Variants in WASF1 observed in about 807,000 individuals in gnomAD.
WASF1 encodes WASP family member 1.
A neutral mutation model predicts 50.5 loss-of-function variants in WASF1; 7 were observed. That is an observed-to-expected ratio of 0.14 (90% CI 0.08 to 0.26). WASF1 has a LOEUF of 0.26. Among genes scored for constraint, WASF1 ranks in the 10% least tolerant of loss-of-function variants. The pLI is 1.00. For synonymous variants in WASF1, 205 were observed against 244.0 expected (o/e 0.84, Z 1.49); for missense variants, 470 against 694.7 (o/e 0.68, Z 3.64).
In WASF1 at chr6:110,153,605, C is replaced by T. The variant is rs190716374; in HGVS notation, c.-29+7030G>A. On this transcript the variant is annotated intron_variant, in intron 3 of 10. Coordinates refer to ENST00000392589, the MANE Select transcript of WASF1 (RefSeq NM_003931.3). The stretch of plus-strand genomic sequence containing the variant: ...ATAATTTTAATTTGCATTTTTCTAT[C>T]CTGCTTAAAGCTAACACAAGACTGG... 2.0e-3 allele frequency among the ~76,000 whole-genome samples: 306 copies of T among 152,052 alleles called. 3 individuals carry two copies. Among genetic ancestry groups the T allele is most frequent in the Non-Finnish European group, 1.2e-3 (84 of 67,966 alleles).
intron 4 of WASF1, among the ~76,000 whole-genome samples, chr6:110,118,347 CAAAAAAAAA>C (rs56948481): frequency 1.3e-4 from 1 of 7,474 alleles, no homozygotes; most frequent in African/African-American, 4.3e-4. Flanking sequence ...AAACGGAAAG[CAAAAAAAAA>C]AAAAAAAAAA....
chr6:110,107,403 G>T (rs1172636017), intron 6 of WASF1, among the ~76,000 whole-genome samples: 1 of 152,152 alleles, frequency 6.6e-6, no homozygotes, highest in Non-Finnish European at 1.5e-5. Flanking sequence ...GCTTTTCCAA[G>T]TTAGTACTAA....
chr6:110,150,452 C>T (rs138720356), intron 3 of WASF1, among the ~76,000 whole-genome samples: 2,943 of 152,180 alleles, frequency 0.019, 30 homozygotes, highest in South Asian at 0.044. Flanking sequence ...TAAATTAAAA[C>T]GAAGTAAATA....
intron 3 of WASF1, among the ~76,000 whole-genome samples, chr6:110,149,498 A>G (rs559899998): frequency 6.6e-6 from 1 of 151,632 alleles, no homozygotes; most frequent in East Asian, 1.9e-4. Flanking sequence ...AAAAAAAAAA[A>G]AAAAGGAAAG....
intron 5 of WASF1, among the ~76,000 whole-genome samples, chr6:110,112,601 A>G (rs1773607123): frequency 6.6e-6 from 1 of 152,200 alleles, no homozygotes; most frequent in African/African-American, 2.4e-5. Flanking sequence ...ATACAAAAGC[A>G]TATTAAAAGC....
At chr6:110,131,097 ATC>A (rs1774647380) in intron 3 of WASF1, among the ~76,000 whole-genome samples, 1 of 152,158 alleles carries the variant, frequency 6.6e-6, no homozygotes, top group South Asian at 2.1e-4. Flanking sequence ...GGTGATGGGA[ATC>A]TCTTCTTTCA....
chr6:110,105,940 C>T (rs570002679), intron 7 of WASF1, among the ~76,000 whole-genome samples: 2 of 152,284 alleles, frequency 1.3e-5, no homozygotes, highest in Admixed American at 1.3e-4. Context: ...GCATTGTCTG[C>T]CCCTAATCAA....
At chr6:110,166,065 G>C (rs1776465715) in intron 2 of WASF1, among the ~76,000 whole-genome samples, 1 of 151,484 alleles carries the variant, frequency 6.6e-6, no homozygotes, top group Non-Finnish European at 1.5e-5. Flanking sequence ...TGGGAAAACA[G>C]AATCATTCAT....
intron 1 of WASF1, 51 bp from the exon 2 acceptor site, chr6:110,178,793 G>GTTGAATAATT: frequency 6.5e-6 from 1 of 152,882 alleles, no homozygotes; most frequent in South Asian, 2.1e-4. Flanking sequence ...ATGCTGCATA[G>GTTGAATAATT]TTGAATAATT....
intron 5 of WASF1, among the ~76,000 whole-genome samples, chr6:110,112,272 G>C (rs781688596): frequency 3.3e-5 from 5 of 151,836 alleles, no homozygotes; most frequent in Admixed American, 1.3e-4. Flanking sequence ...ATTTTGAAGA[G>C]AGTGTAAGAA....
intron 3 of WASF1, among the ~76,000 whole-genome samples, chr6:110,133,257 A>G (rs1392067387): frequency 1.3e-5 from 2 of 152,184 alleles, no homozygotes; most frequent in Non-Finnish European, 2.9e-5. Flanking sequence ...TATACATGCT[A>G]TATACATCCA....
intron 7 of WASF1, among the ~76,000 whole-genome samples, chr6:110,106,845 C>T (rs1020353040): frequency 1.3e-5 from 2 of 152,150 alleles, no homozygotes; most frequent in Admixed American, 1.3e-4. Context: ...TATCTAAACC[C>T]TTTATGCATA....
chr6:110,178,898 G>C (rs2114638088), intron 1 of WASF1, among the ~76,000 whole-genome samples, 156 bp from the exon 2 acceptor site: 1 of 152,372 alleles, frequency 6.6e-6, no homozygotes, highest in East Asian at 1.9e-4. Context: ...ACAGGCACCA[G>C]AAGCGACAGC....
intron 2 of WASF1, among the ~76,000 whole-genome samples, chr6:110,162,203 A>G: frequency 6.6e-6 from 1 of 151,470 alleles, no homozygotes; most frequent in South Asian, 2.1e-4. Context: ...GTCCTAGAAT[A>G]TAGACAAATT....
At chr6:110,146,021 T>C (rs970497679) in intron 3 of WASF1, among the ~76,000 whole-genome samples, 4 of 150,160 alleles carry the variant, frequency 2.7e-5, no homozygotes, top group Non-Finnish European at 5.9e-5. Flanking sequence ...TTAGGAGATA[T>C]ACCTAATGCT....
At chr6:110,167,676 C>A (rs1449257389) in intron 2 of WASF1, among the ~76,000 whole-genome samples, 2 of 151,956 alleles carry the variant, frequency 1.3e-5, no homozygotes, top group East Asian at 3.9e-4. Flanking sequence ...ACATGTTTCA[C>A]TATAACCCTC....
In WASF1 at chr6:110,101,725, G is replaced by A. The variant is rs138145693; in HGVS notation, c.1385C>T (p.Ala462Val). ...CATTAATGGAACATGGGGACCTGGG[G>A]CAGTAGATGGAGTTGGATGTAGCCC... is the stretch of plus-strand genomic sequence containing the variant. ...PSGLHPTPST[A>V]PGPHVPLMPP... The change falls in exon 10 of 11, where the codon GCC becomes GTC. Residue 462 changes from alanine to valine, a missense_variant. Ala to Val is a moderately conservative substitution (Grantham distance 64, BLOSUM62 0). Coordinates refer to ENST00000392589, the MANE Select transcript of WASF1 (RefSeq NM_003931.3). The A allele has an allele frequency of 2.2e-4, 349 of 1,614,162 alleles. No individual in the cohort carries two copies. In the African/African-American group the frequency reaches 3.9e-3, roughly 18 times the overall value.
intron 3 of WASF1, among the ~76,000 whole-genome samples, chr6:110,140,704 TGA>T (rs1234637074): frequency 1.3e-5 from 2 of 152,190 alleles, no homozygotes; most frequent in African/African-American, 4.8e-5. Context: ...TGCTGTGGTG[TGA>T]GAGCAGAGGA....
At chr6:110,145,235 T>G (rs1402714233) in intron 3 of WASF1, among the ~76,000 whole-genome samples, 2 of 152,110 alleles carry the variant, frequency 1.3e-5, no homozygotes, top group Non-Finnish European at 2.9e-5. Context: ...TGAATGGGAG[T>G]TCAGTCATGA....
Sources: allele counts gnomAD v4.1 joint callset (sites outside exome capture counted in the v4.1 genomes callset), GRCh38; gene constraint gnomAD v4.1.1; transcripts MANE v1.5; gene names NCBI Gene and HGNC (gene_info 2026-07-23, HGNC 2026-07-21).